Variants in PLK5 observed in about 807,000 individuals in gnomAD.
PLK5 encodes inactive serine/threonine-protein kinase PLK5.
A neutral mutation model predicts 33.7 loss-of-function variants in PLK5; 28 were observed. That is an observed-to-expected ratio of 0.83 (90% CI 0.62 to 1.14). The LOEUF (loss-of-function observed/expected upper bound fraction) is 1.14. Among genes scored for constraint, PLK5 ranks in the 50% most tolerant of loss-of-function variants. The pLI, the probability that PLK5 is intolerant of heterozygous loss-of-function variation, is 0.00. For synonymous variants in PLK5, 225 were observed against 202.2 expected (o/e 1.11, Z -0.96); for missense variants, 492 against 461.5 (o/e 1.07, Z -0.61).
Position 1,528,143 on chromosome 19 carries a change from CGGTCCTCGGCGTGG to C in PLK5, c.201+15_201+28del. ...ACGACTTCTTCACACAGGTGGGCGGCGGTCCTCGGCGTGGGGTCCCTGGCGTGGGGTCCCTGGCA... is the reference window on the plus strand; with the variant it reads ...ACGACTTCTTCACACAGGTGGGCGGCGGTCCCTGGCGTGGGGTCCCTGGCA... On this transcript the variant is annotated intron_variant, in intron 7 of 13. Coordinates refer to ENST00000454744, the MANE Select transcript of PLK5 (RefSeq NM_001243079.2). 8.1e-7 allele frequency: 1 copy of C among 1,236,546 alleles called. No individual in the cohort carries two copies. The highest frequency in any genetic ancestry group is 1.6e-5 in the South Asian group (1 of 62,328). 76.6% of individuals were successfully genotyped at this position (1,236,546 alleles called of 1,614,324 possible). A position where few individuals can be genotyped will look rare whatever the true frequency, so the allele number is the denominator to read the frequency against.
chr19:1,531,500 T>C (rs187431000), intron 11 of PLK5, among the ~76,000 whole-genome samples: 11 of 152,344 alleles, frequency 7.2e-5, no homozygotes, highest in African/African-American at 2.4e-4. Context: ...GAATTGCTCA[T>C]TCCCAGGGGT....
Position 1,528,298 on chromosome 19 carries a change from A to C in PLK5, c.202-4A>C, listed in dbSNP as rs1913806908. On this transcript the variant is annotated splice_polypyrimidine_tract_variant and splice_region_variant and intron_variant, in intron 7 of 13. Transcript: ENST00000454744. Reference sequence around the variant, plus strand: ...CGGGGATAACCCCAAATCCCCATCCAAAGGGTTTCACTCCAGACCGGCTGC... The same window carrying C: ...CGGGGATAACCCCAAATCCCCATCCCAAGGGTTTCACTCCAGACCGGCTGC... 3 of 1,535,696 alleles carry C rather than the reference A, an allele frequency of 2.0e-6. No homozygotes were observed. The Admixed American group carries it at 5.9e-5, about 30-fold the overall frequency.
intron 10 of PLK5, 25 bp from the exon 11 acceptor site, chr19:1,529,722 G>A: frequency 6.5e-7 from 1 of 1,535,786 alleles, no homozygotes; most frequent in Non-Finnish European, 8.7e-7. Context: ...AGACCTGTCT[G>A]CGGCACAAAG....
chr19:1,532,447 G>A (rs533175781), intron 12 of PLK5, among the ~76,000 whole-genome samples: 3 of 151,948 alleles, frequency 2.0e-5, no homozygotes, highest in South Asian at 2.1e-4. Flanking sequence ...GCTGAGGTGG[G>A]AGAATCACTT....
chr19:1,532,480 C>G (rs915467813), intron 12 of PLK5, among the ~76,000 whole-genome samples: 3 of 151,710 alleles, frequency 2.0e-5, no homozygotes, highest in African/African-American at 7.3e-5. Flanking sequence ...TTGAGATCAG[C>G]CTGGGCCACA....
chr19:1,534,621 C>A lies in PLK5; in HGVS notation c.826-444C>A, dbSNP rs571848641. Among the ~76,000 whole-genome samples, 6 of 145,110 alleles carry A rather than the reference C, an allele frequency of 4.1e-5. No homozygotes were observed. In the East Asian group the frequency reaches 8.0e-4, roughly 19 times the overall value. On this transcript the variant is annotated intron_variant, in intron 13 of 13. Transcript: ENST00000454744. ...GAGATAGAGACCATCCTGCCTAACA[C>A]GGTGAAACCCCGTCTCTACTAAAAA...
At position 1,531,841 on chromosome 19, in the gene PLK5, G is replaced by C. The variant is rs371714996; in HGVS notation, c.672G>C (p.Gly224=). The change falls in exon 12 of 14, where the codon GGG becomes GGC. Residue 224 remains glycine (G), a synonymous_variant. Coordinates refer to ENST00000454744, the MANE Select transcript of PLK5 (RefSeq NM_001243079.2). ...YGFGYQLLDG[G]RTGRHPHGPA... is the part of the protein sequence containing the mutation. ...TTGGCTACCAGCTCTTGGACGGGGGGCGCACGGGACGGCACCCACATGGCC... is the reference window on the plus strand; with the variant it reads ...TTGGCTACCAGCTCTTGGACGGGGGCCGCACGGGACGGCACCCACATGGCC... The C allele has an allele frequency of 6.5e-7, 1 of 1,531,150 alleles. No individual in the cohort carries two copies. Among genetic ancestry groups the C allele is most frequent in the Admixed American group, 2.0e-5 (1 of 50,460 alleles). The allele number at this position is 1,531,150 out of a possible 1,614,324, so 94.8% of individuals were successfully genotyped here.
intron 5 of PLK5, 38 bp downstream of exon 5, chr19:1,526,829 G>A (rs1004658661): frequency 7.2e-6 from 6 of 834,692 alleles, no homozygotes; most frequent in Non-Finnish European, 1.2e-5. Flanking sequence ...AGTCCGTCCG[G>A]GTGGGCACGG....
At chr19:1,526,834 G>T (rs1456198642) in intron 5 of PLK5, 43 bp downstream of exon 5, 4 of 871,938 alleles carry the variant, frequency 4.6e-6, no homozygotes, top group Non-Finnish European at 7.3e-6. Flanking sequence ...GTCCGGGTGG[G>T]CACGGCTGGC....
Position 1,533,829 on chromosome 19 carries a change from T to TGCGGCG in PLK5, c.715-96_715-91dup. The stretch of plus-strand genomic sequence containing the variant: ...GTGCTGCAGCTCTTTGCCGGCTGCC[T>TGCGGCG]GCGGCGGCGGCTGCGGGAGGTGAGA... On this transcript the variant is annotated intron_variant, in intron 12 of 13. Coordinates refer to ENST00000454744, the MANE Select transcript of PLK5 (RefSeq NM_001243079.2). 3 of 837,978 alleles carry TGCGGCG rather than the reference T, an allele frequency of 3.6e-6. No homozygotes were observed. In the South Asian group the frequency reaches 4.6e-5, roughly 13 times the overall value. 51.9% of individuals were successfully genotyped at this position (837,978 alleles called of 1,614,324 possible). A position where few individuals can be genotyped will look rare whatever the true frequency, so the allele number is the denominator to read the frequency against.
In PLK5 at chr19:1,528,364, C is replaced by A. The variant is rs1913809625; in HGVS notation, c.264C>A (p.Pro88=). ...ACAGTCCCCCCATCTTCGCCATACC[C>A]CCGCCTCTGGGCAGGATCTTCCGGA... ...SCHSPPIFAI[P]PPLGRIFRKV... The change falls in exon 8 of 14, where the codon CCC becomes CCA. Residue 88 remains proline (P), a synonymous_variant. Transcript: ENST00000454744. The A allele has an allele frequency of 1.3e-6, 2 of 1,535,616 alleles. No homozygotes were observed. Among genetic ancestry groups the A allele is most frequent in the Non-Finnish European group, 1.7e-6 (2 of 1,146,772 alleles).
chr19:1,533,728 C>T (rs529837266), intron 12 of PLK5: 2 of 603,630 alleles, frequency 3.3e-6, no homozygotes, highest in Admixed American at 5.8e-5. Context: ...GCCAAGTGTG[C>T]TACATGCCCA....
At chr19:1,533,134 C>CT (rs984497384) in intron 12 of PLK5, among the ~76,000 whole-genome samples, 4 of 151,836 alleles carry the variant, frequency 2.6e-5, no homozygotes, top group African/African-American at 2.4e-5. Context: ...GACTCTGTCT[C>CT]TTTTTTTTGA....
At chr19:1,527,517 G>T (rs915714811) in intron 6 of PLK5, among the ~76,000 whole-genome samples, 1 of 152,080 alleles carries the variant, frequency 6.6e-6, no homozygotes, top group Non-Finnish European at 1.5e-5. Context: ...TGGGAGGATT[G>T]CTTGAGCTCA....
At chr19:1,527,623 T>C (rs2656860) in intron 6 of PLK5, among the ~76,000 whole-genome samples, 4,533 of 150,912 alleles carry the variant, frequency 0.03, 253 homozygotes, top group African/African-American at 0.1. Context: ...AATAGAAGCA[T>C]TGAAAAGGTG....
At chr19:1,533,850 T>C (rs1169313978) in intron 12 of PLK5, 81 bp from the exon 13 acceptor site, 1 of 1,091,050 alleles carries the variant, frequency 9.2e-7, no homozygotes, top group Non-Finnish European at 1.3e-6. Flanking sequence ...CTGCGGGAGG[T>C]GAGAGCTGGG....
chr19:1,529,487 G>A lies in PLK5; in HGVS notation c.487G>A (p.Ala163Thr). 2.6e-6 allele frequency: 4 copies of A among 1,535,682 alleles called. No homozygotes were observed. The highest frequency in any genetic ancestry group is 2.4e-5 in the South Asian group (2 of 84,058). ...VAQGTLQSDL[A>T]GPEGSRRPEV... ...ACAAGGGACCCTGCAGAGTGACCTG[G>A]CCGGTGAGCAGATCCCCGTCCCAGC... Residue 163 changes from alanine to threonine, a missense_variant, in exon 10 of 14, where the codon GCC (alanine) becomes ACC (threonine). Physicochemically the swap from Ala to Thr is moderately conservative, Grantham distance 58. Transcript: ENST00000454744.
Position 1,526,777 on chromosome 19 carries a change from G to T in PLK5, c.-109G>T. 1.7e-6 allele frequency: 1 copy of T among 594,124 alleles called. No individual in the cohort carries two copies. The highest frequency in any genetic ancestry group is 2.0e-5 in the South Asian group (1 of 50,778). The allele number at this position is 594,124 out of a possible 1,614,324, so 36.8% of individuals were successfully genotyped here. ...GACTGGCGGCCAAGGTGGGGCCAGG[G>T]GGCCGCTGCCACAGGTGAGAGCCGG... On this transcript the variant is annotated 5_prime_UTR_variant, in exon 5 of 14. Coordinates refer to ENST00000454744, the MANE Select transcript of PLK5 (RefSeq NM_001243079.2).
In PLK5 at chr19:1,535,167, C is replaced by T. The variant is rs1328906237; in HGVS notation, c.928C>T (p.Leu310=). 1.3e-6 allele frequency: 2 copies of T among 1,535,034 alleles called. No individual in the cohort carries two copies. Among genetic ancestry groups the T allele is most frequent in the Non-Finnish European group, 1.7e-6 (2 of 1,146,780 alleles). ...GGGGTCCCCTGGCACCTCCTACTCCCTGGACGTCCCGCGGAGCCACGGCTG... is the reference window on the plus strand; with the variant it reads ...GGGGTCCCCTGGCACCTCCTACTCCTTGGACGTCCCGCGGAGCCACGGCTG... The part of the protein sequence containing the change: ...EQGSPGTSYS[L]DVPRSHGCAP... Residue 310 remains leucine, a synonymous_variant, in exon 14 of 14, where the codon CTG becomes TTG. Coordinates refer to ENST00000454744, the MANE Select transcript of PLK5 (RefSeq NM_001243079.2).
Sources: allele counts gnomAD v4.1 joint callset (sites outside exome capture counted in the v4.1 genomes callset), GRCh38; gene constraint gnomAD v4.1.1; transcripts MANE v1.5; gene names NCBI Gene and HGNC (gene_info 2026-07-23, HGNC 2026-07-21).